Variants in ADGRD1 observed in about 807,000 individuals in gnomAD.
ADGRD1 encodes adhesion G protein-coupled receptor D1.
Under a neutral mutation model 113.4 loss-of-function variants are expected in ADGRD1, and 77 were observed. The observed-to-expected ratio is 0.68, with a 90% CI of 0.57 to 0.82. The LOEUF (loss-of-function observed/expected upper bound fraction) is 0.82. ADGRD1 is among the 40% of genes least tolerant of loss of function. ADGRD1 has a pLI of 0.00. For missense variants in ADGRD1, 1,036 were observed against 1,139.1 expected (o/e 0.91, Z 1.30); for synonymous variants, 474 against 475.0 (o/e 1.00, Z 0.03).
At chr12:131,045,145 G>A (rs1375078418) in intron 13 of ADGRD1, among the ~76,000 whole-genome samples, 1 of 152,224 alleles carries the variant, frequency 6.6e-6, no homozygotes, top group East Asian at 1.9e-4. Context: ...CACCACCCGC[G>A]GGCGCATTGG....
Position 131,057,633 on chromosome 12 carries a change from G to A in ADGRD1, c.1474-19168G>A, listed in dbSNP as rs1427925070. ...CTTCCGTGTGTCATTGTCCTTTCCC[G>A]CAGTGTACGAGGACACTCAGATGGG... On this transcript the variant is annotated intron_variant, in intron 13 of 24. Transcript: ENST00000261654. This position sits in a 1 kb window ranked among gnomAD's most constrained non-coding sequence, Gnocchi z 4.2. Among the ~76,000 whole-genome samples, 3 of 152,214 alleles carry A rather than the reference G, an allele frequency of 2.0e-5. No individual in the cohort carries two copies. Among genetic ancestry groups the A allele is most frequent in the South Asian group, 2.1e-4 (1 of 4,808 alleles).
intron 21 of ADGRD1, among the ~76,000 whole-genome samples, chr12:131,133,617 G>A (rs545201706): frequency 1.1e-4 from 17 of 152,296 alleles, no homozygotes; most frequent in Admixed American, 1.0e-3. Context: ...AGGCATCTCT[G>A]GGGACAGACC....
chr12:130,994,779 C>T (rs746247719), intron 8 of ADGRD1, among the ~76,000 whole-genome samples: 2 of 152,250 alleles, frequency 1.3e-5, no homozygotes, highest in Admixed American at 6.5e-5. Flanking sequence ...AGCCTCCGCT[C>T]TCTGCCAGAT....
At chr12:130,982,111 T>A in intron 5 of ADGRD1, 48 bp downstream of exon 5, 1 of 1,513,056 alleles carries the variant, frequency 6.6e-7, no homozygotes. Context: ...AGGAGTGGAG[T>A]CTTCTCTGAG....
At position 131,131,704 on chromosome 12, in the gene ADGRD1, C is replaced by T. The variant is rs375632867; in HGVS notation, c.2176-21C>T. On this transcript the variant is annotated intron_variant, in intron 20 of 24. Transcript: ENST00000261654. ...GTGCAGCCCAGGCCCCCCTCACCTT[C>T]CTCCATGGTTTCTTGTGCAGGTCAA... 9.5e-6 allele frequency: 15 copies of T among 1,572,302 alleles called. No individual in the cohort carries two copies. In the African/African-American group the frequency reaches 1.9e-4, roughly 20 times the overall value.
chr12:131,018,176 A>G (rs1009459840), intron 13 of ADGRD1, among the ~76,000 whole-genome samples: 2 of 151,882 alleles, frequency 1.3e-5, no homozygotes, highest in Non-Finnish European at 2.9e-5. Flanking sequence ...CCTCACGCCT[A>G]TCCGCTCTCC....
At chr12:131,137,720 AGC>A in intron 23 of ADGRD1, 1 of 264,320 alleles carries the variant, frequency 3.8e-6, no homozygotes, top group Non-Finnish European at 7.5e-6. Flanking sequence ...ATGATCACAA[AGC>A]CCAGTGACCC....
At chr12:131,127,727 TGTTG>T (rs1412986988) in intron 20 of ADGRD1, among the ~76,000 whole-genome samples, 7 of 140,162 alleles carry the variant, frequency 5.0e-5, no homozygotes, top group African/African-American at 1.9e-4. Flanking sequence ...TCAGGTGGGG[TGTTG>T]GTTGTGTTGG....
Position 131,105,713 on chromosome 12 carries a change from C to T in ADGRD1, c.1776-41C>T, listed in dbSNP as rs184608777. 1,432 of 1,495,906 alleles carry T rather than the reference C, an allele frequency of 9.6e-4. 3 individuals are homozygous for T. Among genetic ancestry groups the T allele is most frequent in the Non-Finnish European group, 1.2e-3 (1,290 of 1,091,234 alleles). 92.7% of individuals were successfully genotyped at this position (1,495,906 alleles called of 1,614,324 possible). On this transcript the variant is annotated intron_variant, in intron 16 of 24. Transcript: ENST00000261654. ...GGGAGCCCAGCCTGGGGGACTGGGT[C>T]GGCGCAGGGCCCAGGCCTCACACCC...
At chr12:131,137,213 C>T (rs564768242) in intron 23 of ADGRD1, 199 bp downstream of exon 23, 21 of 617,506 alleles carry the variant, frequency 3.4e-5, no homozygotes, top group East Asian at 1.7e-4. Context: ...AGTTGCTAAG[C>T]GATATGCAAG....
Position 130,954,805 on chromosome 12 carries a change from A to C in ADGRD1, c.103+145A>C, listed in dbSNP as rs1024944939. On this transcript the variant is annotated intron_variant, in intron 2 of 24. Coordinates refer to ENST00000261654, the MANE Select transcript of ADGRD1 (RefSeq NM_198827.5). The surrounding 1 kb of genome is among the most constrained non-coding windows in gnomAD (Gnocchi z 4.7). ...GTCCCCGACCTCACTGCCTCACCAC[A>C]CACTGTGACCCTGGGCAGCTCTGCT... 27 of 751,954 alleles carry C rather than the reference A, an allele frequency of 3.6e-5. No homozygotes were observed. The highest frequency in any genetic ancestry group is 5.9e-5 in the Non-Finnish European group (26 of 439,022). 46.6% of individuals were successfully genotyped at this position (751,954 alleles called of 1,614,324 possible).
chr12:131,023,029 A>G (rs1435356160), intron 13 of ADGRD1: 1 of 151,990 alleles, frequency 6.6e-6, no homozygotes, highest in Non-Finnish European at 1.5e-5. Context: ...CAAAGTAGGA[A>G]ACCTGTCTCT....
intron 12 of ADGRD1, among the ~76,000 whole-genome samples, chr12:131,012,348 A>G (rs909947139): frequency 2.0e-5 from 3 of 151,386 alleles, no homozygotes; most frequent in Non-Finnish European, 4.4e-5. Flanking sequence ...GATCAATAAC[A>G]TGGTCACATA....
chr12:131,045,615 C>G (rs894542981), intron 13 of ADGRD1, among the ~76,000 whole-genome samples: 1 of 151,646 alleles, frequency 6.6e-6, no homozygotes, highest in African/African-American at 2.4e-5. Context: ...TTCCTTCTTA[C>G]AACAGCTGAG....
chr12:131,011,710 G>A (rs1877916823), intron 12 of ADGRD1, among the ~76,000 whole-genome samples: 1 of 152,244 alleles, frequency 6.6e-6, no homozygotes, highest in South Asian at 2.1e-4. Flanking sequence ...TTCTGTTCTG[G>A]CTAATGGCAC....
In ADGRD1 at chr12:131,084,799, G is replaced by A. The variant is rs61939669; in HGVS notation, c.1671+136G>A. The A allele has an allele frequency of 1.5e-5, 14 of 937,596 alleles. No homozygotes were observed. Among genetic ancestry groups the A allele is most frequent in the East Asian group, 5.2e-5 (2 of 38,110 alleles). 58.1% of individuals were successfully genotyped at this position (937,596 alleles called of 1,614,324 possible). A position where few individuals can be genotyped will look rare whatever the true frequency, so the allele number is the denominator to read the frequency against. ...CTCCATGGGGCCTGTGTTTACAGAC[G>A]GAATCCATTCTCTTGGCTTCTGTAG... On this transcript the variant is annotated intron_variant, in intron 15 of 24. Transcript: ENST00000261654. The surrounding 1 kb of genome is among the most constrained non-coding windows in gnomAD (Gnocchi z 4.5).
chr12:130,955,384 C>T (rs1227993122), intron 2 of ADGRD1, among the ~76,000 whole-genome samples: 3 of 152,052 alleles, frequency 2.0e-5, no homozygotes, highest in Admixed American at 6.5e-5. Context: ...GAGTGGGACT[C>T]GGGATAGAGG....
At position 130,966,792 on chromosome 12, in the gene ADGRD1, C is replaced by CT. The variant is rs397795712; in HGVS notation, c.187+256dup. 231,926 of 352,364 alleles carry CT rather than the reference C, an allele frequency of 0.66. 63,487 individuals carry two copies. Among genetic ancestry groups the CT allele is most frequent in the Admixed American group, 0.74 (18,756 of 25,404 alleles). The allele number at this position is 352,364 out of a possible 1,614,324, so 21.8% of individuals were successfully genotyped here. A position where few individuals can be genotyped will look rare whatever the true frequency, so the allele number is the denominator to read the frequency against. ...ACTTCCCGTAATAGTTATTTCAAAG[C>CT]TTTTTTTTTTGTAGAGATGGGGTCT... On this transcript the variant is annotated intron_variant, in intron 3 of 24. Coordinates refer to ENST00000261654, the MANE Select transcript of ADGRD1 (RefSeq NM_198827.5). The surrounding 1 kb of genome is among the most constrained non-coding windows in gnomAD (Gnocchi z 4.6).
At chr12:131,056,960 C>T (rs925280858) in intron 13 of ADGRD1, among the ~76,000 whole-genome samples, 9 of 152,118 alleles carry the variant, frequency 5.9e-5, no homozygotes, top group Admixed American at 2.0e-4. Flanking sequence ...TTGATTGTGC[C>T]GTGGGTCTTG....
Sources: gnomAD v4.1 joint callset for allele counts (sites outside exome capture counted in the v4.1 genomes callset) on GRCh38, gnomAD v4.1.1 for gene constraint, Gnocchi (gnomAD v3.1) non-coding constraint, MANE v1.5 for transcripts, NCBI Gene and HGNC (gene_info 2026-07-23, HGNC 2026-07-21) for gene names.